Variants in F13A1 observed in about 807,000 individuals in gnomAD.
The protein encoded by F13A1 is coagulation factor XIII A chain.
Under a neutral mutation model 80.1 loss-of-function variants are expected in F13A1, and 47 were observed. The observed-to-expected ratio is 0.59, with a 90% CI of 0.46 to 0.75. The LOEUF (loss-of-function observed/expected upper bound fraction) is 0.75, where lower values mean the gene tolerates loss of function less well. F13A1 is among the 30% of genes least tolerant of loss of function. F13A1 has a pLI of 0.00. For missense variants in F13A1, 817 were observed against 930.4 expected (o/e 0.88, Z 1.59); for synonymous variants, 349 against 344.9 (o/e 1.01, Z -0.13).
chr6:6,226,105 G>A (rs1757272498), intron 6 of F13A1, among the ~76,000 whole-genome samples: 1 of 152,190 alleles, frequency 6.6e-6, no homozygotes, highest in African/African-American at 2.4e-5. Context: ...AAGGCATCTT[G>A]CCAGTTTTTT....
intron 4 of F13A1, among the ~76,000 whole-genome samples, chr6:6,255,327 T>C (rs1313743332): frequency 6.6e-6 from 1 of 152,116 alleles, no homozygotes; most frequent in East Asian, 1.9e-4. Flanking sequence ...TCAACACTCA[T>C]AACATCCTTG....
intron 4 of F13A1, among the ~76,000 whole-genome samples, chr6:6,258,096 T>C (rs1583098170): frequency 6.6e-6 from 1 of 152,180 alleles, no homozygotes; most frequent in East Asian, 1.9e-4. Flanking sequence ...TGGCCATCTA[T>C]TGGTTTTTTT....
chr6:6,225,108 C>T (rs1387692900), intron 6 of F13A1, among the ~76,000 whole-genome samples: 1 of 152,156 alleles, frequency 6.6e-6, no homozygotes, highest in African/African-American at 2.4e-5. Flanking sequence ...CAAAGTTGAA[C>T]GGCAGATAGG....
intron 2 of F13A1, among the ~76,000 whole-genome samples, chr6:6,313,421 A>G (rs955638909): frequency 1.7e-4 from 2 of 11,772 alleles, no homozygotes; most frequent in African/African-American, 1.8e-3. Context: ...AAAGAAAAGA[A>G]AAAAATCTCC....
intron 8 of F13A1, among the ~76,000 whole-genome samples, chr6:6,213,412 C>T (rs1202540800): frequency 6.6e-6 from 1 of 152,094 alleles, no homozygotes; most frequent in Non-Finnish European, 1.5e-5. Flanking sequence ...CCCCGAATTT[C>T]ATATCCAGCC....
At chr6:6,246,131 G>A (rs975511012) in intron 6 of F13A1, among the ~76,000 whole-genome samples, 9 of 152,146 alleles carry the variant, frequency 5.9e-5, no homozygotes, top group African/African-American at 2.2e-4. Flanking sequence ...CATTCATTGA[G>A]AAATTTAAAG....
intron 13 of F13A1, among the ~76,000 whole-genome samples, chr6:6,154,914 T>G (rs1019822534): frequency 6.6e-6 from 1 of 152,234 alleles, no homozygotes; most frequent in Admixed American, 6.5e-5. Flanking sequence ...ATATTCTTTC[T>G]GGAAAAAATA....
intron 8 of F13A1, among the ~76,000 whole-genome samples, chr6:6,202,162 C>A (rs9378458): frequency 0.13 from 20,101 of 152,130 alleles, 2,071 homozygotes; most frequent in East Asian, 0.43. Context: ...TTAACTATAG[C>A]CAACATGTTG....
chr6:6,269,376 G>C (rs1757889107), intron 3 of F13A1, among the ~76,000 whole-genome samples: 2 of 151,944 alleles, frequency 1.3e-5, no homozygotes, highest in East Asian at 3.9e-4. Flanking sequence ...AATTAGGATG[G>C]GTTTACCAAT....
intron 4 of F13A1, among the ~76,000 whole-genome samples, chr6:6,263,396 A>G (rs575308340): frequency 6.6e-6 from 1 of 152,268 alleles, no homozygotes; most frequent in African/African-American, 2.4e-5. Context: ...AACAGAGTTG[A>G]CTGCTGTCTT....
intron 6 of F13A1, among the ~76,000 whole-genome samples, chr6:6,230,974 C>A (rs557883858): frequency 6.6e-6 from 1 of 152,196 alleles, no homozygotes; most frequent in Non-Finnish European, 1.5e-5. Context: ...TCTGACAGAG[C>A]CTACCCAGAT....
intron 2 of F13A1, among the ~76,000 whole-genome samples, chr6:6,312,688 CA>C (rs546263137): frequency 2.0e-5 from 3 of 149,770 alleles, no homozygotes; most frequent in Non-Finnish European, 3.0e-5. Flanking sequence ...AAAACAAAAA[CA>C]AAAAAAGTCT....
chr6:6,154,260 A>T (rs1325141164), intron 13 of F13A1, among the ~76,000 whole-genome samples: 1 of 151,958 alleles, frequency 6.6e-6, no homozygotes, highest in Non-Finnish European at 1.5e-5. Context: ...CCTAATGGGG[A>T]GGAGACTGGT....
chr6:6,201,191 C>T (rs1289403468), intron 8 of F13A1, among the ~76,000 whole-genome samples: 2 of 152,194 alleles, frequency 1.3e-5, no homozygotes, highest in Non-Finnish European at 2.9e-5. Flanking sequence ...ATGCTTTGCA[C>T]TTCAGATCTC....
At chr6:6,231,893 T>C (rs2113075042) in intron 6 of F13A1, among the ~76,000 whole-genome samples, 1 of 152,288 alleles carries the variant, frequency 6.6e-6, no homozygotes, top group Middle Eastern at 3.4e-3. Context: ...AATTCACCAT[T>C]ACCAAGCCAC....
At chr6:6,179,076 T>C (rs75929175) in intron 11 of F13A1, among the ~76,000 whole-genome samples, 7,430 of 152,228 alleles carry the variant, frequency 0.049, 253 homozygotes, top group African/African-American at 0.091. Flanking sequence ...ATTTTTGTAA[T>C]TTTTGTTTTT....
chr6:6,146,922 T>C (rs1760291645), intron 14 of F13A1, among the ~76,000 whole-genome samples: 1 of 152,136 alleles, frequency 6.6e-6, no homozygotes, highest in South Asian at 2.1e-4. Context: ...TGCCCATCAA[T>C]GAGTGAATAA....
chr6:6,232,097 AT>A (rs1365093011), intron 6 of F13A1, among the ~76,000 whole-genome samples: 1 of 152,224 alleles, frequency 6.6e-6, no homozygotes, highest in Non-Finnish European at 1.5e-5. Context: ...GGTACCTCAC[AT>A]TTCAACACTA....
intron 7 of F13A1, 115 bp from the exon 8 acceptor site, chr6:6,222,286 G>T: frequency 7.3e-7 from 1 of 1,365,510 alleles, no homozygotes; most frequent in Non-Finnish European, 1.0e-6. Context: ...AAGCCCTTTG[G>T]ACATGTTATT....
Sources: gnomAD v4.1 joint callset for allele counts (sites outside exome capture counted in the v4.1 genomes callset) on GRCh38, gnomAD v4.1.1 for gene constraint, MANE v1.5 for transcripts, NCBI Gene and HGNC (gene_info 2026-07-23, HGNC 2026-07-21) for gene names.